RBM20: variants seen among roughly 807,000 people sequenced by gnomAD.
The protein encoded by RBM20 is RNA-binding protein 20.
In RBM20, 51 loss-of-function variants were observed where a neutral mutation model predicts 110.1. The ratio of observed to expected loss-of-function variants is 0.46; its 90% CI spans 0.37 to 0.59. RBM20 has a LOEUF of 0.59. RBM20 is among the 20% of genes least tolerant of loss of function. The probability of loss-of-function intolerance (pLI) is 0.00; values close to 1 mark genes in which losing one functional copy is unlikely to be tolerated. For missense variants in RBM20, 1,512 were observed against 1,574.9 expected (o/e 0.96, Z 0.68); for synonymous variants, 589 against 618.2 (o/e 0.95, Z 0.70).
chr10:110,783,844 G>A (rs1346012569), intron 3 of RBM20, among the ~76,000 whole-genome samples: 4 of 152,124 alleles, frequency 2.6e-5, no homozygotes, highest in South Asian at 2.1e-4. Context: ...CTCTAGTTCC[G>A]GAATATTTTC....
intron 1 of RBM20, among the ~76,000 whole-genome samples, chr10:110,718,817 T>C (rs1843468464): frequency 6.6e-6 from 1 of 152,098 alleles, no homozygotes; most frequent in Admixed American, 6.5e-5. Context: ...GGTTTCACCA[T>C]GTTGGCCAGG....
intron 7 of RBM20, among the ~76,000 whole-genome samples, chr10:110,802,982 A>AT (rs35380087): frequency 9.9e-5 from 15 of 152,018 alleles, no homozygotes; most frequent in South Asian, 2.1e-4. Flanking sequence ...GGCTTTAAGT[A>AT]TTTTTTTTCA....
At chr10:110,833,574 G>A (rs938372331) in intron 13 of RBM20, among the ~76,000 whole-genome samples, 2 of 152,078 alleles carry the variant, frequency 1.3e-5, no homozygotes, top group Non-Finnish European at 2.9e-5. Flanking sequence ...CCTTCAGGGG[G>A]CCACATAGTT....
At chr10:110,661,735 C>T (rs1176378163) in intron 1 of RBM20, among the ~76,000 whole-genome samples, 2 of 152,102 alleles carry the variant, frequency 1.3e-5, no homozygotes, top group Non-Finnish European at 2.9e-5. Context: ...AGGGGCCAGG[C>T]ACGGTGGCTC....
At position 110,835,872 on chromosome 10, in the gene RBM20, A is replaced by G. The variant is rs535839168; in HGVS notation, c.3578A>G (p.Tyr1193Cys). 3.0e-5 allele frequency: 46 copies of G among 1,550,768 alleles called. No homozygotes were observed. The highest frequency in any genetic ancestry group is 4.0e-5 in the Non-Finnish European group (46 of 1,146,390). The change falls in exon 14 of 14, where the codon TAT becomes TGT. Residue 1193 changes from tyrosine (Y) to cysteine (C), a missense_variant. Tyr to Cys is a radical substitution (Grantham distance 194). This residue lies in a region of RBM20 where 358 missense variants were observed against 384.2 expected (regional missense o/e 0.93). Transcript: ENST00000369519. The part of the protein sequence containing the change: ...SAVHYRNLQK[Y>C]LSQLAEEGLK... The stretch of plus-strand genomic sequence containing the variant: ...CTTCCCCTCTTCTTTCCACAGAAAT[A>G]TTTGTCCCAGCTGGCCGAGGAGGGC...
chr10:110,784,998 C>T (rs1844403026), intron 5 of RBM20, 109 bp downstream of exon 5: 2 of 700,474 alleles, frequency 2.9e-6, no homozygotes, highest in Non-Finnish European at 4.8e-6. Flanking sequence ...GCAATCATAT[C>T]TCACTGCAGC....
At chr10:110,823,448 T>TGC in intron 11 of RBM20, 32 bp from the exon 12 acceptor site, 1 of 1,177,090 alleles carries the variant, frequency 8.5e-7, no homozygotes, top group South Asian at 1.9e-5. Flanking sequence ...TTTTTTTTTT[T>TGC]TTTTTTTTTT....
chr10:110,756,232 C>T (rs898277723), intron 1 of RBM20, among the ~76,000 whole-genome samples: 71 of 152,076 alleles, frequency 4.7e-4, no homozygotes, highest in Non-Finnish European at 8.8e-5. Context: ...TCCTCATATC[C>T]CAGATTTGGA....
rs571608153 is a variant in RBM20 at position 110,773,867 on chromosome 10, C to T, written c.192-6934C>T. Among the ~76,000 whole-genome samples, 48 of 152,212 alleles carry T rather than the reference C, an allele frequency of 3.2e-4. 1 individual carries two copies. The highest frequency in any genetic ancestry group is 1.5e-3 in the East Asian group (8 of 5,188). On this transcript the variant is annotated intron_variant, in intron 1 of 13. Transcript: ENST00000369519. ...CTGAGACTGTGCTCTGCCTGATAAG[C>T]GACGTACGGAGCACAGTGGACTGAA...
At chr10:110,743,934 G>C (rs1004766830) in intron 1 of RBM20, among the ~76,000 whole-genome samples, 10 of 152,048 alleles carry the variant, frequency 6.6e-5, no homozygotes, top group Non-Finnish European at 1.3e-4. Context: ...ATTTTTATTT[G>C]GTGTTCCTTG....
chr10:110,799,133 G>A (rs1844589076), intron 6 of RBM20, among the ~76,000 whole-genome samples: 2 of 152,134 alleles, frequency 1.3e-5, no homozygotes, highest in South Asian at 2.1e-4. Context: ...TTTTTTATAA[G>A]GAAAGTAGAA....
intron 1 of RBM20, among the ~76,000 whole-genome samples, chr10:110,691,329 G>C (rs1232950453): frequency 6.6e-6 from 1 of 152,232 alleles, no homozygotes; most frequent in Non-Finnish European, 1.5e-5. Flanking sequence ...TGATAATTCT[G>C]TGGTTAGCTT....
intron 1 of RBM20, among the ~76,000 whole-genome samples, chr10:110,683,953 A>T (rs1862460145): frequency 6.6e-6 from 1 of 152,230 alleles, no homozygotes; most frequent in Admixed American, 6.5e-5. Flanking sequence ...ATATCCTGTG[A>T]CTAAGAACAG....
intron 9 of RBM20, among the ~76,000 whole-genome samples, chr10:110,814,934 G>A (rs1844820374): frequency 6.6e-6 from 1 of 152,180 alleles, no homozygotes; most frequent in Non-Finnish European, 1.5e-5. Context: ...TGACTCTGAT[G>A]CACATATATA....
At chr10:110,747,324 G>A (rs1843794847) in intron 1 of RBM20, among the ~76,000 whole-genome samples, 1 of 151,154 alleles carries the variant, frequency 6.6e-6, no homozygotes, top group Admixed American at 6.6e-5. Context: ...TGGCAGGGTA[G>A]CACTGGCTTC....
intron 12 of RBM20, among the ~76,000 whole-genome samples, chr10:110,826,740 G>T (rs144557817): frequency 2.0e-5 from 3 of 151,854 alleles, no homozygotes; most frequent in Non-Finnish European, 4.4e-5. Context: ...CTGCCACCAC[G>T]CCTGGCTAGT....
intron 1 of RBM20, among the ~76,000 whole-genome samples, chr10:110,668,674 G>A (rs975419114): frequency 6.6e-6 from 1 of 152,100 alleles, no homozygotes. Context: ...GAGTGCCAGA[G>A]AAACCTTTTA....
chr10:110,769,183 A>T lies in RBM20; in HGVS notation c.192-11618A>T, dbSNP rs530720469. Among the ~76,000 whole-genome samples the T allele has an allele frequency of 3.9e-5, 6 of 152,298 alleles. No individual in the cohort carries two copies. The South Asian group carries it at 1.2e-3, about 32-fold the overall frequency. Reference sequence around the variant, plus strand: ...GGGACTCAAGCCCCAGTTCTTTTTAAAACTTCCCAAGTAATTCCTAAGTGC... The same window carrying T: ...GGGACTCAAGCCCCAGTTCTTTTTATAACTTCCCAAGTAATTCCTAAGTGC... On this transcript the variant is annotated intron_variant, in intron 1 of 13. Transcript: ENST00000369519.
At chr10:110,767,868 C>T (rs965168172) in intron 1 of RBM20, among the ~76,000 whole-genome samples, 92 of 152,220 alleles carry the variant, frequency 6.0e-4, no homozygotes, top group Non-Finnish European at 1.2e-3. Flanking sequence ...CAGAGGGGCT[C>T]CTCACGTCCC....
Sources: gnomAD v4.1 joint callset for allele counts (sites outside exome capture counted in the v4.1 genomes callset) on GRCh38, gnomAD v4.1.1 for gene constraint, gnomAD v4.1.1 regional missense constraint, MANE v1.5 for transcripts, NCBI Gene and HGNC (gene_info 2026-07-23, HGNC 2026-07-21) for gene names.